Variants in LMO3 observed in about 807,000 individuals in gnomAD.
The protein encoded by LMO3 is LIM domain only protein 3.
Under a neutral mutation model 15.8 loss-of-function variants are expected in LMO3, and 2 were observed. That is an observed-to-expected ratio of 0.13 (90% CI 0.05 to 0.40). The LOEUF (loss-of-function observed/expected upper bound fraction) is 0.40. Among genes scored for constraint, LMO3 ranks in the 10% least tolerant of loss-of-function variants. The pLI is 0.99. For missense variants in LMO3, 86 were observed against 182.2 expected (o/e 0.47, Z 3.04); for synonymous variants, 62 against 63.8 (o/e 0.97, Z 0.13).
rs1200723249 is a variant in LMO3, at chr12:16,555,948, C to G, written c.332+4465G>C. On this transcript the variant is annotated intron_variant, in intron 3 of 3. Transcript: ENST00000537304. This position sits in a 1 kb window ranked among gnomAD's most constrained non-coding sequence, Gnocchi z 5.5. The stretch of plus-strand genomic sequence containing the variant: ...TTCCCTAACACTTCAAGAAGGATGG[C>G]TCTCTCTTCCCTCAGTATAGCTCTA... Among the ~76,000 whole-genome samples, 2 of 152,000 alleles carry G rather than the reference C, an allele frequency of 1.3e-5. No homozygotes were observed. The highest frequency in any genetic ancestry group is 2.9e-5 in the Non-Finnish European group (2 of 67,996).
upstream of LMO3, chr12:16,606,252 T>C (rs1943998878): frequency 6.1e-6 from 1 of 164,658 alleles, no homozygotes; most frequent in Admixed American, 6.2e-5. Flanking sequence ...AGCAATGGTG[T>C]TGACCGCATC....
intron 2 of LMO3, among the ~76,000 whole-genome samples, chr12:16,590,739 T>C (rs1697464784): frequency 6.6e-6 from 1 of 152,080 alleles, no homozygotes; most frequent in African/African-American, 2.4e-5. Flanking sequence ...ATTGAAATAC[T>C]ATGATGTATA....
rs529257211 is a variant in LMO3, at chr12:16,576,451, T to C, written c.207-15913A>G. 1.3e-5 allele frequency among the ~76,000 whole-genome samples: 2 copies of C among 152,332 alleles called. No individual in the cohort carries two copies. The highest frequency in any genetic ancestry group is 4.8e-5 in the African/African-American group (2 of 41,582). On this transcript the variant is annotated intron_variant, in intron 2 of 3. Coordinates refer to ENST00000537304, the MANE Select transcript of LMO3 (RefSeq NM_018640.5). The surrounding 1 kb of genome is among the most constrained non-coding windows in gnomAD (Gnocchi z 4.1). ...GAAGACTACTGCTGCTTTTTTTTCA[T>C]ATTCAGATCAAATGTCAATGGATCT...
rs1462909580 is a variant in LMO3 at position 16,585,601 on chromosome 12, C to T, written c.206+15054G>A. ...CTGAGCATCTCTCATGCATCAGGCC[C>T]TATGTTCCCACCTGTATTTTCTTTC... On this transcript the variant is annotated intron_variant, in intron 2 of 3. Transcript: ENST00000537304. This position sits in a 1 kb window ranked among gnomAD's most constrained non-coding sequence, Gnocchi z 4.7. Among the ~76,000 whole-genome samples the T allele has an allele frequency of 6.6e-6, 1 of 152,158 alleles. No homozygotes were observed. Among genetic ancestry groups the T allele is most frequent in the Non-Finnish European group, 1.5e-5 (1 of 68,036 alleles).
intron 2 of LMO3, among the ~76,000 whole-genome samples, chr12:16,581,967 C>A (rs892882510): frequency 6.6e-6 from 1 of 151,938 alleles, no homozygotes; most frequent in Non-Finnish European, 1.5e-5. Context: ...ATCTTTTTTA[C>A]TATTTATATT....
At chr12:16,574,830 AC>A (rs1428235848) in intron 2 of LMO3, among the ~76,000 whole-genome samples, 3 of 152,310 alleles carry the variant, frequency 2.0e-5, no homozygotes, top group African/African-American at 7.2e-5. Flanking sequence ...GAGTGGGGAA[AC>A]AGAAGTATAG....
Position 16,593,440 on chromosome 12 carries a change from A to G in LMO3, c.206+7215T>C, listed in dbSNP as rs945940448. Among the ~76,000 whole-genome samples, 1 of 151,838 alleles carries G rather than the reference A, an allele frequency of 6.6e-6. No homozygotes were observed. Among genetic ancestry groups the G allele is most frequent in the Non-Finnish European group, 1.5e-5 (1 of 67,798 alleles). On this transcript the variant is annotated intron_variant, in intron 2 of 3. Coordinates refer to ENST00000537304, the MANE Select transcript of LMO3 (RefSeq NM_018640.5). This position sits in a 1 kb window ranked among gnomAD's most constrained non-coding sequence, Gnocchi z 4.2. ...GATTATTCATCTCAAGTGTGATTTC[A>G]TTTTAAACTTGTAAAGCCCACAACT...
In LMO3 at chr12:16,587,711, A is replaced by G. The variant is rs892729328; in HGVS notation, c.206+12944T>C. Among the ~76,000 whole-genome samples the G allele has an allele frequency of 2.6e-5, 4 of 152,158 alleles. No homozygotes were observed. The highest frequency in any genetic ancestry group is 5.9e-5 in the Non-Finnish European group (4 of 68,034). On this transcript the variant is annotated intron_variant, in intron 2 of 3. Coordinates refer to ENST00000537304, the MANE Select transcript of LMO3 (RefSeq NM_018640.5). The surrounding 1 kb of genome is among the most constrained non-coding windows in gnomAD (Gnocchi z 4.3). The stretch of plus-strand genomic sequence containing the variant: ...CAAGTATTTTTCACTACAGGAGACA[A>G]ACAATGATATGTATTACATGCAGTA...
chr12:16,598,838 C>G lies in LMO3; in HGVS notation c.206+1817G>C, dbSNP rs924771609. 1.6e-5 allele frequency: 3 copies of G among 188,002 alleles called. No individual in the cohort carries two copies. The highest frequency in any genetic ancestry group is 7.1e-5 in the African/African-American group (3 of 42,402). 11.6% of individuals were successfully genotyped at this position (188,002 alleles called of 1,614,324 possible). ...AATTTTTATTTTTGTTTTCAAAAAC[C>G]CCAGATATTTCAGTTGACATTCTTT... is the stretch of plus-strand genomic sequence containing the variant. On this transcript the variant is annotated intron_variant, in intron 2 of 3. Transcript: ENST00000537304. This position sits in a 1 kb window ranked among gnomAD's most constrained non-coding sequence, Gnocchi z 4.3.
At position 16,589,627 on chromosome 12, in the gene LMO3, A is replaced by G. The variant is rs1050158121; in HGVS notation, c.206+11028T>C. The G allele has an allele frequency of 6.6e-6, 1 of 152,138 alleles. No individual in the cohort carries two copies. Among genetic ancestry groups the G allele is most frequent in the Non-Finnish European group, 1.5e-5 (1 of 68,016 alleles). The allele number at this position is 152,138 out of a possible 1,614,324, so 9.4% of individuals were successfully genotyped here. A position where few individuals can be genotyped will look rare whatever the true frequency, so the allele number is the denominator to read the frequency against. ...TATTATAAAGACAGTGGTTTGTTTA[A>G]TAACTATCACTGACAAGATTATTTC... On this transcript the variant is annotated intron_variant, in intron 2 of 3. Transcript: ENST00000537304. The surrounding 1 kb of genome is among the most constrained non-coding windows in gnomAD (Gnocchi z 4.2).
chr12:16,568,386 C>T (rs1942692126), intron 2 of LMO3, among the ~76,000 whole-genome samples: 1 of 152,042 alleles, frequency 6.6e-6, no homozygotes, highest in Non-Finnish European at 1.5e-5. Flanking sequence ...GGATGTGGAT[C>T]TTTCAGTTTT....
intron 2 of LMO3, among the ~76,000 whole-genome samples, chr12:16,578,733 C>T (rs1015784113): frequency 3.3e-5 from 5 of 151,686 alleles, no homozygotes; most frequent in East Asian, 3.9e-4. Flanking sequence ...CAGGAGAATT[C>T]CTTGAACCTG....
chr12:16,583,520 G>C (rs993212138), intron 2 of LMO3, among the ~76,000 whole-genome samples: 12 of 152,136 alleles, frequency 7.9e-5, no homozygotes, highest in Admixed American at 7.9e-4. Flanking sequence ...TGGAGCCAAG[G>C]ACATAAAATT....
At chr12:16,570,825 G>T (rs1201558938) in intron 2 of LMO3, among the ~76,000 whole-genome samples, 1 of 152,054 alleles carries the variant, frequency 6.6e-6, no homozygotes, top group African/African-American at 2.4e-5. Flanking sequence ...AATAGGTAAG[G>T]TATTATTTAA....
At position 16,555,089 on chromosome 12, in the gene LMO3, A is replaced by G. The variant is rs1466502576; in HGVS notation, c.333-3762T>C. ...AACTACCTATTTATGGGATATTTTGAGTATTAAACGAATGAGTACATGTAA... is the reference window on the plus strand; with the variant it reads ...AACTACCTATTTATGGGATATTTTGGGTATTAAACGAATGAGTACATGTAA... On this transcript the variant is annotated intron_variant, in intron 3 of 3. Coordinates refer to ENST00000537304, the MANE Select transcript of LMO3 (RefSeq NM_018640.5). This position sits in a 1 kb window ranked among gnomAD's most constrained non-coding sequence, Gnocchi z 5.5. Among the ~76,000 whole-genome samples the G allele has an allele frequency of 6.6e-6, 1 of 152,228 alleles. No individual in the cohort carries two copies. The highest frequency in any genetic ancestry group is 1.5e-5 in the Non-Finnish European group (1 of 68,036).
rs1213115095 is a variant in LMO3 at position 16,583,410 on chromosome 12, C to T, written c.206+17245G>A. Among the ~76,000 whole-genome samples the T allele has an allele frequency of 2.0e-5, 3 of 151,944 alleles. 1 individual carries two copies. Among genetic ancestry groups the T allele is most frequent in the South Asian group, 4.2e-4 (2 of 4,812 alleles). ...AGAACAGAAAAATCTTGGGTACAGC[C>T]ATATGTTGACAGTCAAGTAATTGTA... On this transcript the variant is annotated intron_variant, in intron 2 of 3. Transcript: ENST00000537304.
chr12:16,610,042 C>G (rs778314061), upstream of LMO3: 3 of 151,954 alleles, frequency 2.0e-5, no homozygotes, highest in Admixed American at 1.3e-4. Context: ...GATACTGCCC[C>G]CACCACACAC....
At position 16,604,710 on chromosome 12, in the gene LMO3, A is replaced by G. The variant is rs867740375; in HGVS notation, c.-9+1356T>C. 3 of 767,624 alleles carry G rather than the reference A, an allele frequency of 3.9e-6. No individual in the cohort carries two copies. In the Middle Eastern group the frequency reaches 7.0e-4, roughly 179 times the overall value. The allele number at this position is 767,624 out of a possible 1,614,324, so 47.6% of individuals were successfully genotyped here. A position where few individuals can be genotyped will look rare whatever the true frequency, so the allele number is the denominator to read the frequency against. On this transcript the variant is annotated intron_variant, in intron 1 of 3. Transcript: ENST00000537304. The surrounding 1 kb of genome is among the most constrained non-coding windows in gnomAD (Gnocchi z 5.3). ...AGTATTTGTTGCATCTAGCAAGATT[A>G]ATTGGTTTAAGCAGCAGTCTTTCAA... is the stretch of plus-strand genomic sequence containing the variant.
intron 2 of LMO3, among the ~76,000 whole-genome samples, chr12:16,562,292 C>T (rs1036031559): frequency 6.6e-5 from 10 of 152,080 alleles, no homozygotes; most frequent in Non-Finnish European, 1.2e-4. Flanking sequence ...ATTGTTTCTT[C>T]TGTTCTTTAT....
Sources: allele counts gnomAD v4.1 joint callset (sites outside exome capture counted in the v4.1 genomes callset), GRCh38; gene constraint gnomAD v4.1.1; non-coding constraint Gnocchi (gnomAD v3.1); transcripts MANE v1.5; gene names NCBI Gene and HGNC (gene_info 2026-07-23, HGNC 2026-07-21).